CRK: variants seen among roughly 807,000 people sequenced by gnomAD.
The protein encoded by CRK is CRK proto-oncogene, adaptor protein.
CRK carries 4 observed loss-of-function variants against 29.8 expected under a neutral mutation model. The ratio of observed to expected loss-of-function variants is 0.13; its 90% CI spans 0.07 to 0.31. The LOEUF is 0.31. Among genes scored for constraint, CRK ranks in the 10% least tolerant of loss-of-function variants. CRK has a pLI of 1.00. For synonymous variants in CRK, 153 were observed against 164.9 expected (o/e 0.93, Z 0.55); for missense variants, 274 against 396.5 (o/e 0.69, Z 2.62).
At chr17:1,428,718 T>C (rs1394577496) in intron 2 of CRK, among the ~76,000 whole-genome samples, 2 of 150,372 alleles carry the variant, frequency 1.3e-5, no homozygotes, top group Non-Finnish European at 3.0e-5. Flanking sequence ...GAGATGGGGT[T>C]TCACCATATT....
At chr17:1,443,242 A>G (rs543664766) in intron 1 of CRK, among the ~76,000 whole-genome samples, 1 of 152,008 alleles carries the variant, frequency 6.6e-6, no homozygotes, top group African/African-American at 2.4e-5. Flanking sequence ...TCAGCCTCTC[A>G]AAGTGTTGGG....
chr17:1,424,830 A>G (rs1172879512), intron 2 of CRK: 1 of 152,090 alleles, frequency 6.6e-6, no homozygotes, highest in Non-Finnish European at 1.5e-5. Context: ...AGCCTGAGCA[A>G]CATGGTGAAA....
At chr17:1,447,606 CCTT>C (rs2073985154) in intron 1 of CRK, among the ~76,000 whole-genome samples, 1 of 116,678 alleles carries the variant, frequency 8.6e-6, no homozygotes, top group African/African-American at 3.4e-5. Flanking sequence ...TTTCTCTTTT[CCTT>C]TTTTTTTTTT....
In CRK at chr17:1,456,223, C is replaced by A. The variant is rs1035958909; in HGVS notation, c.-106G>T. 26 of 1,289,752 alleles carry A rather than the reference C, an allele frequency of 2.0e-5. No homozygotes were observed. Among genetic ancestry groups the A allele is most frequent in the Non-Finnish European group, 4.9e-6 (5 of 1,017,094 alleles). 79.9% of individuals were successfully genotyped at this position (1,289,752 alleles called of 1,614,324 possible). ...GGCTCCGGTTTCAGCTTCACAGCAG[C>A]GCCCGAAATGGCGGCGGCAGCCGCG... On this transcript the variant is annotated 5_prime_UTR_variant, in exon 1 of 3. Transcript: ENST00000300574.
intron 2 of CRK, among the ~76,000 whole-genome samples, chr17:1,430,045 ATT>A (rs34475007): frequency 1.5e-5 from 2 of 133,400 alleles, no homozygotes; most frequent in Non-Finnish European, 1.7e-5. Flanking sequence ...AACTCAAATG[ATT>A]TTTTTTTTTT....
intron 2 of CRK, among the ~76,000 whole-genome samples, chr17:1,426,971 G>A (rs979602895): frequency 2.9e-5 from 4 of 138,104 alleles, no homozygotes; most frequent in Non-Finnish European, 6.1e-5. Context: ...GGCAGAGATT[G>A]CAGTGAGCCA....
intron 1 of CRK, among the ~76,000 whole-genome samples, chr17:1,446,203 GA>G (rs1441794145): frequency 1.3e-5 from 2 of 152,204 alleles, no homozygotes; most frequent in African/African-American, 4.8e-5. Flanking sequence ...TGAACAAGGA[GA>G]AAGCGGCACG....
rs545765333 is a variant in CRK at position 1,448,097 on chromosome 17, G to A, written c.241+7780C>T. 3.2e-4 allele frequency among the ~76,000 whole-genome samples: 48 copies of A among 151,602 alleles called. 2 individuals carry two copies. The East Asian group carries it at 9.1e-3, about 29-fold the overall frequency. On this transcript the variant is annotated intron_variant, in intron 1 of 2. Transcript: ENST00000300574. ...GCGGAACTTGCAGTGAGCAGAGATCGCGCCACTGCACTCCAGCCTGGGCGA... is the reference window on the plus strand; with the variant it reads ...GCGGAACTTGCAGTGAGCAGAGATCACGCCACTGCACTCCAGCCTGGGCGA...
rs137949828 is a variant in CRK at position 1,433,005 on chromosome 17, G to A, written c.777+3615C>T. Among the ~76,000 whole-genome samples, 66 of 152,250 alleles carry A rather than the reference G, an allele frequency of 4.3e-4. 1 individual carries two copies. The highest frequency in any genetic ancestry group is 8.1e-4 in the Non-Finnish European group (55 of 68,018). On this transcript the variant is annotated intron_variant, in intron 2 of 2. Transcript: ENST00000300574. ...GAGTCATTCATAAAGAAGACTGAATGTGGTTACTACAGTTTCTTTGCTCCC... is the reference window on the plus strand; with the variant it reads ...GAGTCATTCATAAAGAAGACTGAATATGGTTACTACAGTTTCTTTGCTCCC...
At position 1,420,964 on chromosome 17, in the gene CRK, A is replaced by T. The variant is rs2073718574; in HGVS notation, c.*2549T>A. The T allele has an allele frequency of 6.6e-6, 1 of 152,216 alleles. No individual in the cohort carries two copies. 9.4% of individuals were successfully genotyped at this position (152,216 alleles called of 1,614,324 possible). A position where few individuals can be genotyped will look rare whatever the true frequency, so the allele number is the denominator to read the frequency against. On this transcript the variant is annotated 3_prime_UTR_variant, in exon 3 of 3. Transcript: ENST00000300574. ...TTATTAACAATAAACAATTCCAACA[A>T]ATTAATAAGAATTAACCATGTCAAA... is the stretch of plus-strand genomic sequence containing the variant.
intron 1 of CRK, among the ~76,000 whole-genome samples, chr17:1,448,329 C>T (rs550123699): frequency 1.1e-3 from 171 of 152,052 alleles, no homozygotes; most frequent in African/African-American, 3.9e-3. Flanking sequence ...AATAAAGTTC[C>T]TAAAGTGGCT....
chr17:1,433,508 G>GATTTTTTTTTTTTTTTTTTTTTTTTT (rs1568012299), intron 2 of CRK, among the ~76,000 whole-genome samples: 1 of 114,368 alleles, frequency 8.7e-6, no homozygotes, highest in African/African-American at 3.6e-5. Context: ...ACCACGCCTG[G>GATTTTTTTTTTTTTTTTTTTTTTTTT]CTTTTTTTTT....
At chr17:1,453,287 G>T (rs2074032506) in intron 1 of CRK, among the ~76,000 whole-genome samples, 1 of 152,112 alleles carries the variant, frequency 6.6e-6, no homozygotes, top group African/African-American at 2.4e-5. Context: ...GATTATCACG[G>T]TAAGTGTTGA....
At chr17:1,448,413 C>A (rs984448818) in intron 1 of CRK, among the ~76,000 whole-genome samples, 3 of 151,988 alleles carry the variant, frequency 2.0e-5, no homozygotes, top group Non-Finnish European at 4.4e-5. Context: ...TCACTGAGGT[C>A]AGGAGTTCAA....
chr17:1,427,592 CAAAT>C (rs1482143605), intron 2 of CRK, among the ~76,000 whole-genome samples: 10 of 151,518 alleles, frequency 6.6e-5, no homozygotes, highest in South Asian at 2.1e-4. Context: ...GACTCAGTCT[CAAAT>C]AAATAAATAA....
At chr17:1,430,699 T>C (rs1438820932) in intron 2 of CRK, among the ~76,000 whole-genome samples, 1 of 151,750 alleles carries the variant, frequency 6.6e-6, no homozygotes, top group African/African-American at 2.4e-5. Context: ...AGAAAATTTG[T>C]AAGCAATCAA....
intron 1 of CRK, among the ~76,000 whole-genome samples, chr17:1,444,067 A>G (rs1460255915): frequency 6.6e-6 from 1 of 151,716 alleles, no homozygotes; most frequent in Non-Finnish European, 1.5e-5. Flanking sequence ...CTGAGCTCAA[A>G]GTAATCCTCT....
intron 1 of CRK, among the ~76,000 whole-genome samples, chr17:1,453,607 TA>T (rs1311638950): frequency 6.6e-6 from 1 of 152,204 alleles, no homozygotes; most frequent in Non-Finnish European, 1.5e-5. Flanking sequence ...TACTCATTTT[TA>T]AAAAATGGTT....
chr17:1,429,617 CTG>C (rs765483052), intron 2 of CRK, among the ~76,000 whole-genome samples: 89 of 117,786 alleles, frequency 7.6e-4, no homozygotes, highest in Admixed American at 2.2e-3. Context: ...CAGTGAAACT[CTG>C]TCTCTCTTAA....
Sources: allele counts gnomAD v4.1 joint callset (sites outside exome capture counted in the v4.1 genomes callset), GRCh38; gene constraint gnomAD v4.1.1; transcripts MANE v1.5; gene names NCBI Gene and HGNC (gene_info 2026-07-23, HGNC 2026-07-21).